MID2: variants seen among roughly 807,000 people sequenced by gnomAD.
MID2 encodes the protein midline 2, also known as probable E3 ubiquitin-protein ligase MID2.
MID2 carries 13 observed loss-of-function variants against 46.1 expected under a neutral mutation model. That is an observed-to-expected ratio of 0.28 (90% CI 0.18 to 0.45). MID2 has a LOEUF of 0.45. MID2 is among the 20% of genes least tolerant of loss of function. The pLI is 1.00. For missense variants in MID2, 431 were observed against 575.4 expected (o/e 0.75, Z 2.57); for synonymous variants, 199 against 212.3 (o/e 0.94, Z 0.55).
At chrX:107,850,036 A>G (rs180671837) in intron 2 of MID2, among the ~76,000 whole-genome samples, 1 of 112,096 alleles carries the variant, frequency 8.9e-6, no homozygotes, top group East Asian at 2.8e-4. Flanking sequence ...AAGTTGCACT[A>G]ACCGGGCTTG....
intron 1 of MID2, among the ~76,000 whole-genome samples, chrX:107,838,213 CACA>C (rs1268279200): frequency 1.8e-5 from 2 of 111,498 alleles, no homozygotes; most frequent in African/African-American, 6.5e-5. Flanking sequence ...TGAGGAGGAG[CACA>C]ACAAGTTCAT....
chrX:107,826,281 C>A lies in MID2; in HGVS notation c.-146C>A. The A allele has an allele frequency of 1.7e-6, 1 of 577,616 alleles. No homozygotes were observed. Among genetic ancestry groups the A allele is most frequent in the Non-Finnish European group, 2.3e-6 (1 of 433,366 alleles). 47.6% of individuals were successfully genotyped at this position (577,616 alleles called of 1,213,427 possible). ...ACGGTAGCGGCAGCGGCGGCGAAGG[C>A]GGGCGGCGGCCTACAGTGGTAGCGG... is the stretch of plus-strand genomic sequence containing the variant. On this transcript the variant is annotated 5_prime_UTR_variant, in exon 1 of 10. Coordinates refer to ENST00000262843, the MANE Select transcript of MID2 (RefSeq NM_012216.4).
At chrX:107,899,284 G>A (rs1053512017) in intron 3 of MID2, among the ~76,000 whole-genome samples, 2 of 101,146 alleles carry the variant, frequency 2.0e-5, no homozygotes, top group South Asian at 9.0e-4. Context: ...AGAAACAATT[G>A]CCAAAATAAC....
At chrX:107,891,192 G>A (rs761204443) in intron 3 of MID2, among the ~76,000 whole-genome samples, 7 of 109,597 alleles carry the variant, frequency 6.4e-5, no homozygotes, top group East Asian at 2.9e-4. Context: ...GAAATCACCC[G>A]TCTTCTGCGT....
chrX:107,924,227 A>C, intron 7 of MID2, 116 bp from the exon 8 acceptor site: 2 of 731,758 alleles, frequency 2.7e-6, no homozygotes, highest in Non-Finnish European at 4.1e-6. Context: ...TAAGACTCAA[A>C]AGAAAACAAA....
chrX:107,884,694 C>T (rs1007167085), intron 3 of MID2, among the ~76,000 whole-genome samples: 8 of 112,139 alleles, frequency 7.1e-5, no homozygotes, highest in African/African-American at 2.6e-4. Context: ...AAAAACAAAA[C>T]AAAACAAAAC....
chrX:107,911,163 C>G (rs1481814992), intron 5 of MID2, among the ~76,000 whole-genome samples: 1 of 110,172 alleles, frequency 9.1e-6, no homozygotes, highest in Non-Finnish European at 1.9e-5. Context: ...GCGTTGTGGA[C>G]TTTTTGTCAT....
chrX:107,899,366 A>G (rs1004559689), intron 3 of MID2, among the ~76,000 whole-genome samples: 2 of 110,945 alleles, frequency 1.8e-5, no homozygotes, highest in African/African-American at 6.6e-5. Flanking sequence ...CCTAGTATTG[A>G]ACAGTGGTAA....
At chrX:107,851,464 G>A (rs975694381) in intron 2 of MID2, among the ~76,000 whole-genome samples, 1 of 111,059 alleles carries the variant, frequency 9.0e-6, no homozygotes, top group African/African-American at 3.3e-5. Flanking sequence ...CCTCAGTTTG[G>A]CCCAGACTTG....
At chrX:107,907,937 C>T (rs1932850201) in intron 5 of MID2, among the ~76,000 whole-genome samples, 1 of 111,718 alleles carries the variant, frequency 9.0e-6, no homozygotes, top group Non-Finnish European at 1.9e-5. Flanking sequence ...TAAGTATTAA[C>T]TCACTTAATC....
intron 3 of MID2, among the ~76,000 whole-genome samples, chrX:107,867,721 G>T (rs945174311): frequency 1.8e-5 from 2 of 111,618 alleles, no homozygotes; most frequent in Non-Finnish European, 3.8e-5. Context: ...AAATATAGGG[G>T]ATGTGATGAT....
intron 2 of MID2, among the ~76,000 whole-genome samples, chrX:107,850,525 T>C (rs928014907): frequency 1.8e-5 from 2 of 112,287 alleles, no homozygotes; most frequent in African/African-American, 6.5e-5. Context: ...AAGAAAACAG[T>C]GGCAAAAAGC....
chrX:107,927,303 A>G lies in MID2; in HGVS notation c.*230A>G, dbSNP rs1043898508. On this transcript the variant is annotated 3_prime_UTR_variant, in exon 10 of 10. Coordinates refer to ENST00000262843, the MANE Select transcript of MID2 (RefSeq NM_012216.4). ...AGTCTGCGTTCAAGCCATTGGAGAA[A>G]AATTTAGAAAATGCCTCTGTTGTCA... 4.7e-5 allele frequency: 14 copies of G among 300,271 alleles called. No homozygotes were observed. Among genetic ancestry groups the G allele is most frequent in the Non-Finnish European group, 8.1e-5 (14 of 173,759 alleles). The allele number at this position is 300,271 out of a possible 1,213,427, so 24.7% of individuals were successfully genotyped here. A position where few individuals can be genotyped will look rare whatever the true frequency, so the allele number is the denominator to read the frequency against.
chrX:107,829,865 C>T (rs919803320), intron 1 of MID2, among the ~76,000 whole-genome samples: 7 of 112,297 alleles, frequency 6.2e-5, no homozygotes, highest in African/African-American at 9.7e-5. Context: ...ATCAGAGTGA[C>T]TTGATTGCTT....
At chrX:107,909,971 C>A (rs1245909363) in intron 5 of MID2, among the ~76,000 whole-genome samples, 1 of 112,356 alleles carries the variant, frequency 8.9e-6, no homozygotes, top group Non-Finnish European at 1.9e-5. Flanking sequence ...CTAATCAAAG[C>A]CAATTAACAT....
At chrX:107,857,229 C>T in intron 3 of MID2, among the ~76,000 whole-genome samples, 1 of 109,770 alleles carries the variant, frequency 9.1e-6, no homozygotes. Flanking sequence ...CCATTTCTGT[C>T]TTCTATGACA....
intron 3 of MID2, among the ~76,000 whole-genome samples, chrX:107,885,076 T>C (rs1340626824): frequency 9.3e-6 from 1 of 107,105 alleles, no homozygotes; most frequent in Non-Finnish European, 1.9e-5. Context: ...CCCGTTTTTG[T>C]TTTTGTTTTT....
At chrX:107,904,178 G>A in intron 4 of MID2, 113 bp downstream of exon 4, 1 of 554,947 alleles carries the variant, frequency 1.8e-6, no homozygotes, top group Non-Finnish European at 3.0e-6. Context: ...AGATTATAGG[G>A]GGAGAGGCAA....
At position 107,850,216 on chromosome X, in the gene MID2, A is replaced by C. The variant is rs748361797; in HGVS notation, c.721-4393A>C. On this transcript the variant is annotated intron_variant, in intron 2 of 9. Transcript: ENST00000262843. ...CACACACACACACACACACACACAC[A>C]CCCTCTTTGTTTACTCAGCCAGAGT... 4.6e-3 allele frequency among the ~76,000 whole-genome samples: 483 copies of C among 105,054 alleles called. 1 individual carries two copies. Among genetic ancestry groups the C allele is most frequent in the Non-Finnish European group, 5.2e-3 (271 of 52,040 alleles). The allele number at this position is 105,054 out of a possible 115,157, so 91.2% of individuals were successfully genotyped here.
Sources: gnomAD v4.1 joint callset for allele counts (sites outside exome capture counted in the v4.1 genomes callset) on GRCh38, gnomAD v4.1.1 for gene constraint, MANE v1.5 for transcripts, NCBI Gene and HGNC (gene_info 2026-07-23, HGNC 2026-07-21) for gene names.